CPNE2: variants seen among roughly 807,000 people sequenced by gnomAD.
CPNE2 encodes copine-2.
Under a neutral mutation model 69.7 loss-of-function variants are expected in CPNE2, and 42 were observed. The observed-to-expected ratio is 0.60, with a 90% CI of 0.47 to 0.78. The LOEUF is 0.78. CPNE2 is among the 30% of genes least tolerant of loss of function. The pLI, the probability that CPNE2 is intolerant of heterozygous loss-of-function variation, is 0.00. For synonymous variants in CPNE2, 294 were observed against 289.8 expected, an observed-to-expected ratio of 1.01 and a Z score of -0.15; for missense variants, 587 against 732.0, an observed-to-expected ratio of 0.80 and a Z score of 2.29.
intron 14 of CPNE2, among the ~76,000 whole-genome samples, chr16:57,137,803 G>T (rs887475635): frequency 6.6e-6 from 1 of 152,206 alleles, no homozygotes; most frequent in African/African-American, 2.4e-5. Context: ...TGCAACCGTG[G>T]TCTCCCTTCC....
At chr16:57,147,528 C>T (rs371282253) in intron 15 of CPNE2, 23 bp from the exon 16 acceptor site, 13 of 1,525,112 alleles carry the variant, frequency 8.5e-6, no homozygotes, top group Non-Finnish European at 1.1e-5. Flanking sequence ...CTCTTCCCCA[C>T]CCCACCCTCC....
chr16:57,099,925 G>A (rs1358998742), intron 1 of CPNE2, among the ~76,000 whole-genome samples: 1 of 151,970 alleles, frequency 6.6e-6, no homozygotes, highest in Non-Finnish European at 1.5e-5. Context: ...ACAGGCGCGT[G>A]CACCACGCCC....
chr16:57,125,760 T>C, intron 10 of CPNE2, 100 bp from the exon 11 acceptor site: 1 of 1,441,984 alleles, frequency 6.9e-7, no homozygotes, highest in Non-Finnish European at 9.4e-7. Context: ...GGGAGATGAG[T>C]GGGCTTCCCA....
At chr16:57,122,512 C>T (rs1342939415) in intron 9 of CPNE2, among the ~76,000 whole-genome samples, 7 of 152,206 alleles carry the variant, frequency 4.6e-5, no homozygotes, top group Non-Finnish European at 8.8e-5. Flanking sequence ...CTGAAGTTTC[C>T]ATCATTCACA....
At chr16:57,138,003 C>T (rs1250151941) in intron 14 of CPNE2, among the ~76,000 whole-genome samples, 1 of 152,208 alleles carries the variant, frequency 6.6e-6, no homozygotes, top group African/African-American at 2.4e-5. Flanking sequence ...TCTGATGTCC[C>T]TTCTGCCTTC....
intron 1 of CPNE2, among the ~76,000 whole-genome samples, chr16:57,098,295 G>T (rs528136699): frequency 6.6e-6 from 1 of 152,380 alleles, no homozygotes; most frequent in East Asian, 1.9e-4. Flanking sequence ...CTGGCTGCCT[G>T]TTGGAGTGTG....
At chr16:57,093,222 C>T (rs1158903251) in intron 1 of CPNE2, among the ~76,000 whole-genome samples, 3 of 152,078 alleles carry the variant, frequency 2.0e-5, no homozygotes, top group Non-Finnish European at 4.4e-5. Context: ...TCCTCCCACC[C>T]CTCAACACCC....
intron 10 of CPNE2, chr16:57,124,946 C>T: frequency 7.6e-6 from 2 of 263,780 alleles, no homozygotes; most frequent in Non-Finnish European, 1.6e-5. Flanking sequence ...GGGCTCTAGG[C>T]TGTGTCCCTG....
At chr16:57,140,722 G>A (rs1321617727) in intron 14 of CPNE2, among the ~76,000 whole-genome samples, 3 of 151,786 alleles carry the variant, frequency 2.0e-5, no homozygotes, top group African/African-American at 7.3e-5. Flanking sequence ...CTGCCACCAC[G>A]CCGGGCTAAT....
At chr16:57,096,386 A>T (rs2069578097) in intron 1 of CPNE2, among the ~76,000 whole-genome samples, 1 of 152,140 alleles carries the variant, frequency 6.6e-6, no homozygotes, top group Non-Finnish European at 1.5e-5. Flanking sequence ...CAGGTTGGGC[A>T]TGTCTCTGAA....
intron 12 of CPNE2, among the ~76,000 whole-genome samples, chr16:57,132,595 G>A (rs2069845427): frequency 1.3e-5 from 2 of 152,206 alleles, no homozygotes; most frequent in Non-Finnish European, 2.9e-5. Flanking sequence ...GAAGGCAATA[G>A]GGAGTCCCAG....
chr16:57,135,959 G>A (rs1368911225), intron 13 of CPNE2, among the ~76,000 whole-genome samples: 1 of 142,014 alleles, frequency 7.0e-6, no homozygotes, highest in Non-Finnish European at 1.5e-5. Flanking sequence ...AAGGGAAGGG[G>A]AAGGGGAAGG....
intron 14 of CPNE2, among the ~76,000 whole-genome samples, chr16:57,139,644 T>C (rs1597506526): frequency 1.3e-5 from 2 of 151,992 alleles, no homozygotes; most frequent in Admixed American, 1.3e-4. Flanking sequence ...CAAGATGGAG[T>C]CAGTTAGGTC....
At chr16:57,096,191 C>G (rs1285303766) in intron 1 of CPNE2, among the ~76,000 whole-genome samples, 3 of 152,166 alleles carry the variant, frequency 2.0e-5, no homozygotes, top group Admixed American at 2.0e-4. Context: ...CTCTGGCTTA[C>G]CATACTGAGT....
chr16:57,117,222 T>A (rs1289363249), intron 4 of CPNE2, among the ~76,000 whole-genome samples: 2 of 152,112 alleles, frequency 1.3e-5, no homozygotes, highest in African/African-American at 4.8e-5. Flanking sequence ...CGGTGTCTGG[T>A]CCTTGCTTCA....
At chr16:57,137,321 C>G (rs2305693) in intron 14 of CPNE2, 39 bp downstream of exon 14, 1,459,591 of 1,611,328 alleles carry the variant, frequency 0.91, 661,422 homozygotes, top group East Asian at 0.96. Context: ...CCAGGAAACA[C>G]GCACGTCCTC....
chr16:57,142,754 C>T (rs1449531329), intron 14 of CPNE2: 1 of 152,208 alleles, frequency 6.6e-6, no homozygotes, highest in African/African-American at 2.4e-5. Context: ...ACCCGCTCCC[C>T]TCGCAGGGTC....
At chr16:57,102,829 C>T (rs891513161) in intron 1 of CPNE2, among the ~76,000 whole-genome samples, 16 of 151,946 alleles carry the variant, frequency 1.1e-4, no homozygotes, top group African/African-American at 1.7e-4. Flanking sequence ...CTTGAGCTCC[C>T]GACTTCGGAT....
rs548159569 is a variant in CPNE2 at position 57,121,177 on chromosome 16, C to G, written c.766C>G (p.Arg256Gly). Residue 256 changes from arginine to glycine, a missense_variant, in exon 8 of 16, where the codon CGA becomes GGA. Arg to Gly is a moderately radical substitution (Grantham distance 125). Around this residue, in one of 5 missense-constraint regions of CPNE2, gnomAD observed 269 missense variants for 300.5 expected, o/e 0.90. Transcript: ENST00000290776. ...CTCAGTGTCACAGATGTGTGAGGCT[C>G]GAGACAGCGTCCCGGTGAGATGGGC... is the stretch of plus-strand genomic sequence containing the variant. ...QTSVSQMCEA[R>G]DSVPLEFECI... 1.9e-5 allele frequency: 31 copies of G among 1,613,830 alleles called. No individual in the cohort carries two copies. In the Admixed American group the frequency reaches 5.0e-4, roughly 26 times the overall value.
Sources: allele counts gnomAD v4.1 joint callset (sites outside exome capture counted in the v4.1 genomes callset), GRCh38; gene constraint gnomAD v4.1.1; regional missense constraint gnomAD v4.1.1; transcripts MANE v1.5; gene names NCBI Gene and HGNC (gene_info 2026-07-23, HGNC 2026-07-21).